Variants in RFTN1 observed in about 807,000 individuals in gnomAD.
RFTN1 encodes the protein raftlin, lipid raft linker 1.
A neutral mutation model predicts 46.5 loss-of-function variants in RFTN1; 26 were observed. The observed-to-expected ratio is 0.56, with a 90% CI of 0.41 to 0.78. The LOEUF is 0.78. Among genes scored for constraint, RFTN1 ranks in the 30% least tolerant of loss-of-function variants. RFTN1 has a pLI of 0.00. For synonymous variants in RFTN1, 261 were observed against 284.2 expected (o/e 0.92, Z 0.82); for missense variants, 693 against 718.7 (o/e 0.96, Z 0.41).
In RFTN1 at chr3:16,374,215, G is replaced by A. The variant is rs1432283179; in HGVS notation, c.826+3503C>T. Among the ~76,000 whole-genome samples the A allele has an allele frequency of 2.0e-5, 3 of 152,192 alleles. No homozygotes were observed. In the East Asian group the frequency reaches 5.8e-4, roughly 29 times the overall value. On this transcript the variant is annotated intron_variant, in intron 5 of 9. Transcript: ENST00000334133. This position sits in a 1 kb window ranked among gnomAD's most constrained non-coding sequence, Gnocchi z 5.4. ...TAAGTGGATCCCCCAGAAATCACAA[G>A]CCAGTAAGTGGCACAGCCAAGAGTC...
At position 16,385,284 on chromosome 3, in the gene RFTN1, G is replaced by A. The variant is rs1380422155; in HGVS notation, c.442-7182C>T. Among the ~76,000 whole-genome samples, 1 of 152,162 alleles carries A rather than the reference G, an allele frequency of 6.6e-6. No individual in the cohort carries two copies. Among genetic ancestry groups the A allele is most frequent in the East Asian group, 1.9e-4 (1 of 5,196 alleles). ...GAAAAGGGAGGCTCAAAAATAACAC[G>A]GGTTTGAGCTCACATCTGAAGCCGC... is the stretch of plus-strand genomic sequence containing the variant. On this transcript the variant is annotated intron_variant, in intron 4 of 9. Transcript: ENST00000334133. This position sits in a 1 kb window ranked among gnomAD's most constrained non-coding sequence, Gnocchi z 5.0.
In RFTN1 at chr3:16,483,737, T is replaced by C. The variant is rs531275879; in HGVS notation, c.145+9988A>G. On this transcript the variant is annotated intron_variant, in intron 2 of 9. Coordinates refer to ENST00000334133, the MANE Select transcript of RFTN1 (RefSeq NM_015150.2). This position sits in a 1 kb window ranked among gnomAD's most constrained non-coding sequence, Gnocchi z 4.8. Reference sequence around the variant, plus strand: ...CAAAAGATCACACTAGTATAATTTTTTTCTGCCATCTCCACTCAAATTAAA... The same window carrying C: ...CAAAAGATCACACTAGTATAATTTTCTTCTGCCATCTCCACTCAAATTAAA... Among the ~76,000 whole-genome samples the C allele has an allele frequency of 2.8e-4, 42 of 151,952 alleles. No homozygotes were observed. Among genetic ancestry groups the C allele is most frequent in the African/African-American group, 9.9e-4 (41 of 41,426 alleles).
chr3:16,491,816 T>C (rs145972844), intron 2 of RFTN1, among the ~76,000 whole-genome samples: 2 of 151,900 alleles, frequency 1.3e-5, no homozygotes, highest in South Asian at 2.1e-4. Context: ...GAAAAAAGAA[T>C]TCCCCCAACA....
rs1444773014 is a variant in RFTN1 at position 16,426,079 on chromosome 3, G to GTCT, written c.332+7769_332+7771dup. Among the ~76,000 whole-genome samples the GTCT allele has an allele frequency of 6.6e-6, 1 of 152,172 alleles. No homozygotes were observed. Among genetic ancestry groups the GTCT allele is most frequent in the Non-Finnish European group, 1.5e-5 (1 of 68,028 alleles). On this transcript the variant is annotated intron_variant, in intron 3 of 9. Transcript: ENST00000334133. This position sits in a 1 kb window ranked among gnomAD's most constrained non-coding sequence, Gnocchi z 5.9. The stretch of plus-strand genomic sequence containing the variant: ...GAGCTCTGAATTCACCTTCCTCAAT[G>GTCT]TCTGCTCTCTGGGAATAAACCGGCG...
rs1243180679 is a variant in RFTN1 at position 16,404,072 on chromosome 3, TTA to T, written c.441+5301_441+5302del. 1.9e-3 allele frequency among the ~76,000 whole-genome samples: 12 copies of T among 6,236 alleles called. 4 individuals are homozygous for T. Among genetic ancestry groups the T allele is most frequent in the Non-Finnish European group, 3.5e-3 (12 of 3,460 alleles). The allele number at this position is 6,236 out of a possible 152,430, so 4.1% of individuals were successfully genotyped here. On this transcript the variant is annotated intron_variant, in intron 4 of 9. Coordinates refer to ENST00000334133, the MANE Select transcript of RFTN1 (RefSeq NM_015150.2). ...ATATATATATTATATTTTATATATA[TTA>T]TATATATATTTTATATATTATATAT... is the stretch of plus-strand genomic sequence containing the variant.
At position 16,322,971 on chromosome 3, in the gene RFTN1, A is replaced by G. The variant is rs2125200253; in HGVS notation, c.1332+405T>C. Among the ~76,000 whole-genome samples the G allele has an allele frequency of 6.6e-6, 1 of 152,294 alleles. No individual in the cohort carries two copies. Among genetic ancestry groups the G allele is most frequent in the East Asian group, 1.9e-4 (1 of 5,184 alleles). ...ACTTTTAATGTCCTAAGGAATCTTA[A>G]CAGGGCAGGCCAGAGCTCCAACTAG... On this transcript the variant is annotated intron_variant, in intron 9 of 9. Coordinates refer to ENST00000334133, the MANE Select transcript of RFTN1 (RefSeq NM_015150.2). This position sits in a 1 kb window ranked among gnomAD's most constrained non-coding sequence, Gnocchi z 6.2.
chr3:16,466,583 T>C lies in RFTN1; in HGVS notation c.145+27142A>G, dbSNP rs2076096489. 6.6e-6 allele frequency among the ~76,000 whole-genome samples: 1 copy of C among 152,232 alleles called. No individual in the cohort carries two copies. Among genetic ancestry groups the C allele is most frequent in the Non-Finnish European group, 1.5e-5 (1 of 68,042 alleles). On this transcript the variant is annotated intron_variant, in intron 2 of 9. Coordinates refer to ENST00000334133, the MANE Select transcript of RFTN1 (RefSeq NM_015150.2). This position sits in a 1 kb window ranked among gnomAD's most constrained non-coding sequence, Gnocchi z 5.6. The stretch of plus-strand genomic sequence containing the variant: ...CCTTCTGGGCCTGAACTCAGGCTCC[T>C]TCCTAATTTAAGGAAAAAGTAAAAC...
chr3:16,389,639 C>T (rs1439624197), intron 4 of RFTN1, among the ~76,000 whole-genome samples: 1 of 152,174 alleles, frequency 6.6e-6, no homozygotes, highest in Non-Finnish European at 1.5e-5. Flanking sequence ...TACGTATTCT[C>T]AAAGTTCTCT....
rs2075951320 is a variant in RFTN1, at chr3:16,458,423, A to G, written c.146-24386T>C. Among the ~76,000 whole-genome samples the G allele has an allele frequency of 6.6e-6, 1 of 152,174 alleles. No homozygotes were observed. Among genetic ancestry groups the G allele is most frequent in the African/African-American group, 2.4e-5 (1 of 41,434 alleles). ...AAGGAAAAGTGTTTCTCTCACTGAC[A>G]TTTGGAAGACATTTTCCCTCCTCAT... On this transcript the variant is annotated intron_variant, in intron 2 of 9. Coordinates refer to ENST00000334133, the MANE Select transcript of RFTN1 (RefSeq NM_015150.2). The surrounding 1 kb of genome is among the most constrained non-coding windows in gnomAD (Gnocchi z 5.1).
intron 2 of RFTN1, among the ~76,000 whole-genome samples, chr3:16,467,224 A>G (rs1442470441): frequency 6.6e-6 from 1 of 152,180 alleles, no homozygotes; most frequent in Non-Finnish European, 1.5e-5. Flanking sequence ...AGAATAATCA[A>G]GTGGATATGA....
Position 16,473,907 on chromosome 3 carries a change from G to T in RFTN1, c.145+19818C>A, listed in dbSNP as rs2076241018. 6.6e-6 allele frequency among the ~76,000 whole-genome samples: 1 copy of T among 152,192 alleles called. No individual in the cohort carries two copies. The highest frequency in any genetic ancestry group is 1.5e-5 in the Non-Finnish European group (1 of 68,038). ...ACACTGACTTCTCTGACCAATGCCT[G>T]TGGTCCTGGTGACCTGGGCTGTGCC... On this transcript the variant is annotated intron_variant, in intron 2 of 9. Transcript: ENST00000334133. This position sits in a 1 kb window ranked among gnomAD's most constrained non-coding sequence, Gnocchi z 5.3.
rs903996593 is a variant in RFTN1 at position 16,334,164 on chromosome 3, C to CAAAACA, written c.1147-7294_1147-7289dup. 6.6e-6 allele frequency among the ~76,000 whole-genome samples: 1 copy of CAAAACA among 151,800 alleles called. No homozygotes were observed. The highest frequency in any genetic ancestry group is 6.6e-5 in the Admixed American group (1 of 15,246). On this transcript the variant is annotated intron_variant, in intron 7 of 9. Coordinates refer to ENST00000334133, the MANE Select transcript of RFTN1 (RefSeq NM_015150.2). This position sits in a 1 kb window ranked among gnomAD's most constrained non-coding sequence, Gnocchi z 4.3. ...TGGGCGACAGAGCAAGACTCTGTCTCAAAACAAAAACAAAAACAAAAAACA... is the reference window on the plus strand; with the variant it reads ...TGGGCGACAGAGCAAGACTCTGTCTCAAAACAAAAACAAAAACAAAAACAAAAAACA...
intron 5 of RFTN1, among the ~76,000 whole-genome samples, chr3:16,375,224 T>C (rs2073717945): frequency 6.6e-6 from 1 of 151,774 alleles, no homozygotes; most frequent in Non-Finnish European, 1.5e-5. Context: ...CGTGTGTGCC[T>C]GTGGGGGAGT....
chr3:16,418,312 T>A lies in RFTN1; in HGVS notation c.333-8829A>T, dbSNP rs574405912. ...AAAATAAGCATGTGACTAAAAACTA[T>A]GATACACATTACTTTTAAATAATAA... is the stretch of plus-strand genomic sequence containing the variant. On this transcript the variant is annotated intron_variant, in intron 3 of 9. Transcript: ENST00000334133. The surrounding 1 kb of genome is among the most constrained non-coding windows in gnomAD (Gnocchi z 5.0). 1.5e-3 allele frequency among the ~76,000 whole-genome samples: 236 copies of A among 152,344 alleles called. 1 individual carries two copies. The highest frequency in any genetic ancestry group is 2.7e-3 in the Non-Finnish European group (186 of 68,044).
intron 4 of RFTN1, 50 bp downstream of exon 4, chr3:16,409,325 A>AG (rs754783454): frequency 8.0e-7 from 1 of 1,255,882 alleles, no homozygotes; most frequent in African/African-American, 1.5e-5. Flanking sequence ...CTGTTCACTC[A>AG]GGGGAACACT....
In RFTN1 at chr3:16,422,625, G is replaced by A. The variant is rs1230432085; in HGVS notation, c.332+11226C>T. ...CAGCCTGGTGACAAAGCGAGACTCC[G>A]TCTAAAAAAAAAAAAGAATAGTGCC... On this transcript the variant is annotated intron_variant, in intron 3 of 9. Coordinates refer to ENST00000334133, the MANE Select transcript of RFTN1 (RefSeq NM_015150.2). This position sits in a 1 kb window ranked among gnomAD's most constrained non-coding sequence, Gnocchi z 4.6. 1.3e-5 allele frequency among the ~76,000 whole-genome samples: 2 copies of A among 148,972 alleles called. No individual in the cohort carries two copies. The highest frequency in any genetic ancestry group is 2.5e-5 in the African/African-American group (1 of 40,480).
chr3:16,323,299 C>A, intron 9 of RFTN1, 77 bp downstream of exon 9: 2 of 1,104,704 alleles, frequency 1.8e-6, no homozygotes, highest in East Asian at 2.4e-5. Context: ...CAGGCTGCCC[C>A]CTCAAATGCT....
chr3:16,501,348 C>T (rs934475988), intron 1 of RFTN1, among the ~76,000 whole-genome samples: 2 of 152,164 alleles, frequency 1.3e-5, no homozygotes, highest in African/African-American at 4.8e-5. Context: ...AAAGGATCAC[C>T]TTCTTAAAAG....
rs1048702360 is a variant in RFTN1 at position 16,341,880 on chromosome 3, G to T, written c.1147-15004C>A. On this transcript the variant is annotated intron_variant, in intron 7 of 9. Transcript: ENST00000334133. The surrounding 1 kb of genome is among the most constrained non-coding windows in gnomAD (Gnocchi z 4.7). ...ATGATACCATTTTTGTAAAAAATAT[G>T]CAAATATAGATAGAATATACACAGG... is the stretch of plus-strand genomic sequence containing the variant. 6.6e-6 allele frequency among the ~76,000 whole-genome samples: 1 copy of T among 152,112 alleles called. No individual in the cohort carries two copies. Among genetic ancestry groups the T allele is most frequent in the Non-Finnish European group, 1.5e-5 (1 of 68,036 alleles).
Sources: allele counts gnomAD v4.1 joint callset (sites outside exome capture counted in the v4.1 genomes callset), GRCh38; gene constraint gnomAD v4.1.1; non-coding constraint Gnocchi (gnomAD v3.1); transcripts MANE v1.5; gene names NCBI Gene and HGNC (gene_info 2026-07-23, HGNC 2026-07-21).